Variants in NEURL2 observed in about 807,000 individuals in gnomAD.
The protein encoded by NEURL2 is neuralized-like protein 2.
A neutral mutation model predicts 15.9 loss-of-function variants in NEURL2; 16 were observed. That is an observed-to-expected ratio of 1.01 (90% CI 0.68 to 1.53). The LOEUF is 1.53. Ranked by LOEUF, NEURL2 falls within the 40% of genes most tolerant of loss-of-function variation. NEURL2 has a pLI of 0.00. For synonymous variants in NEURL2, 188 were observed against 178.3 expected (o/e 1.05, Z -0.43); for missense variants, 393 against 407.8 (o/e 0.96, Z 0.31).
At position 45,890,729 on chromosome 20, in the gene NEURL2, A is replaced by G. The variant is rs1398591281; in HGVS notation, c.263T>C (p.Leu88Pro). 6.2e-7 allele frequency: 1 copy of G among 1,613,354 alleles called. No homozygotes were observed. The highest frequency in any genetic ancestry group is 1.7e-5 in the Admixed American group (1 of 60,014). ...CGHLRLGLTA[L>P]DPASLAPVPE... ...AACGGGGGCCAGACTGGCGGGGTCC[A>G]GCGCGGTCAGACCGAGACGCAGATG... Residue 88 changes from leucine to proline, a missense_variant, in exon 1 of 2, where the codon CTG becomes CCG. Physicochemically the swap from Leu to Pro is moderately conservative, Grantham distance 98. Transcript: ENST00000372518.
intron 1 of NEURL2, among the ~76,000 whole-genome samples, chr20:45,889,608 C>CGT (rs748676495): frequency 8.5e-6 from 1 of 117,944 alleles, no homozygotes; most frequent in Non-Finnish European, 1.9e-5. Flanking sequence ...TCTCTCTCTT[C>CGT]CTCTCTCTCT....
rs951922397 is a variant in NEURL2, at chr20:45,889,945, C to A, written c.742+305G>T. Among the ~76,000 whole-genome samples, 5 of 152,180 alleles carry A rather than the reference C, an allele frequency of 3.3e-5. No homozygotes were observed. The South Asian group carries it at 1.0e-3, about 32-fold the overall frequency. On this transcript the variant is annotated intron_variant, in intron 1 of 1. Transcript: ENST00000372518. ...GTTTCTAAGAAAAGGGCAAACAATTCTCAAAGAGGCCCCTAATATCTAAAA... is the reference window on the plus strand; with the variant it reads ...GTTTCTAAGAAAAGGGCAAACAATTATCAAAGAGGCCCCTAATATCTAAAA...
chr20:45,888,810 A>G lies in NEURL2; in HGVS notation c.806T>C (p.Ile269Thr), dbSNP rs1227709564. The change falls in exon 2 of 2, where the codon ATT (isoleucine) becomes ACT (threonine). Residue 269 changes from isoleucine (I) to threonine (T), a missense_variant. Physicochemically the swap from Ile to Thr is moderately conservative, Grantham distance 89. Coordinates refer to ENST00000372518, the MANE Select transcript of NEURL2 (RefSeq NM_080749.4). ...TTCTTTGGGCAGGTGGAGCCCATCAATGGCCAGCCGGTGCACCATGCTCCT... is the reference window on the plus strand; with the variant it reads ...TTCTTTGGGCAGGTGGAGCCCATCAGTGGCCAGCCGGTGCACCATGCTCCT... ...IQRSMVHRLA[I>T]DGLHLPKELK... 1.9e-6 allele frequency: 3 copies of G among 1,614,132 alleles called. No individual in the cohort carries two copies. The highest frequency in any genetic ancestry group is 1.7e-5 in the Admixed American group (1 of 60,018).
chr20:45,890,847 A>G lies in NEURL2; in HGVS notation c.145T>C (p.Phe49Leu), dbSNP rs1223123882. 1.3e-6 allele frequency: 2 copies of G among 1,569,926 alleles called. No homozygotes were observed. Among genetic ancestry groups the G allele is most frequent in the Non-Finnish European group, 1.7e-6 (2 of 1,157,496 alleles). ...CGGCTGAAGCACACGCCGTGGGCGA[A>G]GCTCTCCACGCGTGTGGCCCGCGTC... is the stretch of plus-strand genomic sequence containing the variant. ...SGTRATRVESFAHGVCFSREP... is the reference protein window; with the variant it reads ...SGTRATRVESLAHGVCFSREP... The change falls in exon 1 of 2, where the codon TTC becomes CTC. Residue 49 changes from phenylalanine to leucine, a missense_variant. By Grantham distance (22) the Phe-to-Leu change is conservative. Transcript: ENST00000372518.
chr20:45,888,828 A>C lies in NEURL2; in HGVS notation c.788T>G (p.Met263Arg). ...TLCRLVIQRSMVHRLAIDGLH... is the reference protein window; with the variant it reads ...TLCRLVIQRSRVHRLAIDGLH... ...CCCATCAATGGCCAGCCGGTGCACC[A>C]TGCTCCTTTGTATCACTAGGCGGCA... Residue 263 changes from methionine (M) to arginine (R), a missense_variant, in exon 2 of 2, where the codon ATG becomes AGG. Met to Arg is a moderately conservative substitution (Grantham distance 91). Coordinates refer to ENST00000372518, the MANE Select transcript of NEURL2 (RefSeq NM_080749.4). 12 of 1,614,134 alleles carry C rather than the reference A, an allele frequency of 7.4e-6. No individual in the cohort carries two copies. The highest frequency in any genetic ancestry group is 1.0e-5 in the Non-Finnish European group (12 of 1,180,002).
intron 1 of NEURL2, chr20:45,890,021 A>G (rs1986673523): frequency 8.5e-6 from 5 of 586,276 alleles, no homozygotes; most frequent in Non-Finnish European, 1.2e-5. Context: ...TATCAAAACT[A>G]AAAGGGAACT....
In NEURL2 at chr20:45,890,256, A is replaced by G; in HGVS notation, c.736T>C (p.Tyr246His). Residue 246 changes from tyrosine (Y) to histidine (H), a missense_variant, in exon 1 of 2, where the codon TAT (tyrosine) becomes CAT (histidine). Transcript: ENST00000372518. ...TKSVRLVQLE[Y>H]GLPSLQTLCR... ...GCTGCCCAGGGATACCTACAGCCAT[A>G]CTCGAGCTGGACAAGGCGCACGCTC... The G allele has an allele frequency of 6.2e-7, 1 of 1,613,716 alleles. No individual in the cohort carries two copies. The highest frequency in any genetic ancestry group is 8.5e-7 in the Non-Finnish European group (1 of 1,179,998).
Position 45,890,919 on chromosome 20 carries a change from G to C in NEURL2, c.73C>G (p.Arg25Gly). 6.5e-7 allele frequency: 1 copy of C among 1,538,724 alleles called. No individual in the cohort carries two copies. The highest frequency in any genetic ancestry group is 8.8e-7 in the Non-Finnish European group (1 of 1,142,034). ...TTGGCACCGTGCACCCGATGGAAGC[G>C]GGTGGGAGGGGGCTCCGGGCGCTCG... is the stretch of plus-strand genomic sequence containing the variant. ...GLERPEPPPT[R>G]FHRVHGANIR... Residue 25 changes from arginine (R) to glycine (G), a missense_variant, in exon 1 of 2, where the codon CGC becomes GGC. Coordinates refer to ENST00000372518, the MANE Select transcript of NEURL2 (RefSeq NM_080749.4).
In NEURL2 at chr20:45,890,389, C is replaced by G; in HGVS notation, c.603G>C (p.Thr201=). 1 of 1,612,706 alleles carries G rather than the reference C, an allele frequency of 6.2e-7. No homozygotes were observed. Among genetic ancestry groups the G allele is most frequent in the South Asian group, 1.1e-5 (1 of 91,064 alleles). Residue 201 remains threonine (T), a synonymous_variant, in exon 1 of 2, where the codon ACG becomes ACC. Coordinates refer to ENST00000372518, the MANE Select transcript of NEURL2 (RefSeq NM_080749.4). ...GVLFCPRPDG[T]ADMHIIINGE... ...CGTTGATGATGATGTGCATGTCGGC[C>G]GTGCCATCGGGGCGCGGGCAAAAGA...
Position 45,891,095 on chromosome 20 carries a change from C to T in NEURL2, c.-104G>A, listed in dbSNP as rs1986804828. Reference sequence around the variant, plus strand: ...TTGTAAGGCATTTCCCCCCTGACTCCCTTCCCCGAGCCTCTGCCCGGGGGT... The same window carrying T: ...TTGTAAGGCATTTCCCCCCTGACTCTCTTCCCCGAGCCTCTGCCCGGGGGT... On this transcript the variant is annotated 5_prime_UTR_variant, in exon 1 of 2. Coordinates refer to ENST00000372518, the MANE Select transcript of NEURL2 (RefSeq NM_080749.4). The surrounding 1 kb of genome is among the most constrained non-coding windows in gnomAD (Gnocchi z 4.6). The T allele has an allele frequency of 1.7e-5, 21 of 1,262,294 alleles. No homozygotes were observed. The South Asian group carries it at 2.0e-4, about 12-fold the overall frequency. The allele number at this position is 1,262,294 out of a possible 1,614,324, so 78.2% of individuals were successfully genotyped here.
chr20:45,890,320 C>A lies in NEURL2; in HGVS notation c.672G>T (p.Gln224His). Residue 224 changes from glutamine to histidine, a missense_variant, in exon 1 of 2, where the codon CAG (glutamine) becomes CAT (histidine). Coordinates refer to ENST00000372518, the MANE Select transcript of NEURL2 (RefSeq NM_080749.4). ...GPSARGLPAA[Q>H]PLYAVVDVFA... ...ACACGTCCACCACCGCGTAGAGGGGCTGCGCAGCTGGCAGTCCCCGGGCGC... is the reference window on the plus strand; with the variant it reads ...ACACGTCCACCACCGCGTAGAGGGGATGCGCAGCTGGCAGTCCCCGGGCGC... 1 of 1,613,334 alleles carries A rather than the reference C, an allele frequency of 6.2e-7. No homozygotes were observed. The highest frequency in any genetic ancestry group is 8.5e-7 in the Non-Finnish European group (1 of 1,180,042).
Position 45,890,241 on chromosome 20 carries a change from GATACCT to G in NEURL2, c.742+3_742+8del. ...GAGCCAGGAGGGGTCGCTGCCCAGG[GATACCT>G]ACAGCCATACTCGAGCTGGACAAGG... On this transcript the variant is annotated splice_donor_5th_base_variant and intron_variant, in intron 1 of 1. Coordinates refer to ENST00000372518, the MANE Select transcript of NEURL2 (RefSeq NM_080749.4). 6.2e-7 allele frequency: 1 copy of G among 1,613,838 alleles called. No homozygotes were observed. Among genetic ancestry groups the G allele is most frequent in the Non-Finnish European group, 8.5e-7 (1 of 1,180,040 alleles).
chr20:45,888,975 G>T, intron 1 of NEURL2, 102 bp from the exon 2 acceptor site: 1 of 1,388,302 alleles, frequency 7.2e-7, no homozygotes, highest in Non-Finnish European at 9.9e-7. Context: ...CATTAAATGT[G>T]GGCAAGTCCT....
At position 45,890,916 on chromosome 20, in the gene NEURL2, A is replaced by ACAC. The variant is rs1986775107; in HGVS notation, c.75_76insGTG (p.Arg25_Phe26insVal). 1.3e-6 allele frequency: 2 copies of ACAC among 1,544,078 alleles called. No individual in the cohort carries two copies. The highest frequency in any genetic ancestry group is 4.7e-5 in the East Asian group (2 of 42,394). The stretch of plus-strand genomic sequence containing the variant: ...ATGTTGGCACCGTGCACCCGATGGA[A>ACAC]GCGGGTGGGAGGGGGCTCCGGGCGC... On this transcript the variant is annotated inframe_insertion, in exon 1 of 2. Coordinates refer to ENST00000372518, the MANE Select transcript of NEURL2 (RefSeq NM_080749.4).
chr20:45,888,880 G>A lies in NEURL2; in HGVS notation c.743-7C>T, dbSNP rs756781273. 6 of 1,613,954 alleles carry A rather than the reference G, an allele frequency of 3.7e-6. No homozygotes were observed. The East Asian group carries it at 1.1e-4, about 30-fold the overall frequency. ...AGAGTCTGCAGGGATGGCACTGTGG[G>A]AAGAAGACTGTGAAAGGCAAACTGA... On this transcript the variant is annotated splice_region_variant and splice_polypyrimidine_tract_variant and intron_variant, in intron 1 of 1. Transcript: ENST00000372518.
chr20:45,890,204 A>G (rs3817731), intron 1 of NEURL2, 46 bp downstream of exon 1: 28 of 1,611,226 alleles, frequency 1.7e-5, no homozygotes, highest in Non-Finnish European at 2.4e-5. Flanking sequence ...AGTAGATTCC[A>G]GTCCCCACAC....
intron 1 of NEURL2, among the ~76,000 whole-genome samples, chr20:45,889,885 A>T (rs1010579659): frequency 3.3e-5 from 5 of 152,304 alleles, no homozygotes; most frequent in Middle Eastern, 3.4e-3. Context: ...AAGTGCTGGG[A>T]TTACAGGTGT....
Position 45,890,420 on chromosome 20 carries a change from C to G in NEURL2, c.572G>C (p.Gly191Ala). The G allele has an allele frequency of 6.2e-7, 1 of 1,611,404 alleles. No homozygotes were observed. Among genetic ancestry groups the G allele is most frequent in the Non-Finnish European group, 8.5e-7 (1 of 1,179,048 alleles). The change falls in exon 1 of 2, where the codon GGT becomes GCT. Residue 191 changes from glycine (G) to alanine (A), a missense_variant. Coordinates refer to ENST00000372518, the MANE Select transcript of NEURL2 (RefSeq NM_080749.4). ...LPPTARRSRL[G>A]VLFCPRPDGT... The stretch of plus-strand genomic sequence containing the variant: ...ATCGGGGCGCGGGCAAAAGAGGACA[C>G]CCAGGCGGCTACGGCGCGCGGTCGG...
At chr20:45,889,541 T>TG (rs985907736) in intron 1 of NEURL2, among the ~76,000 whole-genome samples, 6 of 152,180 alleles carry the variant, frequency 3.9e-5, no homozygotes, top group South Asian at 2.1e-4. Context: ...TTTGTACAGA[T>TG]GGGGTCTCAC....
Sources: allele counts gnomAD v4.1 joint callset (sites outside exome capture counted in the v4.1 genomes callset), GRCh38; gene constraint gnomAD v4.1.1; non-coding constraint Gnocchi (gnomAD v3.1); transcripts MANE v1.5; gene names NCBI Gene and HGNC (gene_info 2026-07-23, HGNC 2026-07-21).